MYRF: variants seen among roughly 807,000 people sequenced by gnomAD.
MYRF encodes myelin gene regulatory factor.
MYRF carries 16 observed loss-of-function variants against 126.3 expected under a neutral mutation model. The ratio of observed to expected loss-of-function variants is 0.13; its 90% CI spans 0.09 to 0.19. MYRF has a LOEUF of 0.19. MYRF is among the 10% of genes least tolerant of loss of function. The pLI is 1.00. For missense variants in MYRF, 1,104 were observed against 1,547.0 expected, an observed-to-expected ratio of 0.71 and a Z score of 4.80; for synonymous variants, 608 against 635.3, an observed-to-expected ratio of 0.96 and a Z score of 0.65.
chr11:61,754,889 G>A (rs1303222688), intron 1 of MYRF, among the ~76,000 whole-genome samples: 1 of 152,254 alleles, frequency 6.6e-6, no homozygotes, highest in Admixed American at 6.5e-5. Context: ...GAAGGCCCAT[G>A]TGGGGGACCC....
Position 61,757,486 on chromosome 11 carries a change from T to A in MYRF, c.46+4696T>A, listed in dbSNP as rs753965339. ...GGTCCATGGCAGGTGTTCTGCGCCC[T>A]ACCTTGAAGATTACTGGTCCCCAGG... On this transcript the variant is annotated intron_variant, in intron 1 of 26. Coordinates refer to ENST00000278836, the MANE Select transcript of MYRF (RefSeq NM_001127392.3). The surrounding 1 kb of genome is among the most constrained non-coding windows in gnomAD (Gnocchi z 4.7). The A allele has an allele frequency of 2.2e-6, 1 of 456,478 alleles. No homozygotes were observed. The highest frequency in any genetic ancestry group is 1.5e-5 in the South Asian group (1 of 64,554). 28.3% of individuals were successfully genotyped at this position (456,478 alleles called of 1,614,324 possible). A position where few individuals can be genotyped will look rare whatever the true frequency, so the allele number is the denominator to read the frequency against.
At chr11:61,763,219 G>A (rs1323548392) in intron 1 of MYRF, among the ~76,000 whole-genome samples, 1 of 152,232 alleles carries the variant, frequency 6.6e-6, no homozygotes, top group Non-Finnish European at 1.5e-5. Flanking sequence ...TCAGACCCCT[G>A]CACCTGGTTG....
chr11:61,765,908 T>C, intron 2 of MYRF, 50 bp from the exon 3 acceptor site: 1 of 1,465,568 alleles, frequency 6.8e-7, no homozygotes, highest in Admixed American at 2.5e-5. Context: ...GCTACTTCCC[T>C]GCTGGGGCTG....
intron 14 of MYRF, 96 bp from the exon 15 acceptor site, chr11:61,779,167 C>T (rs1035419753): frequency 8.1e-6 from 11 of 1,353,144 alleles, no homozygotes; most frequent in Admixed American, 2.4e-5. Context: ...ACAGTGGCCG[C>T]CCCTCCTGCC....
chr11:61,774,132 C>G lies in MYRF; in HGVS notation c.1281C>G (p.Asp427Glu). ...CGCCCGAGGGCCTCAAGCCCCTCGA[C>G]TGCTTCTATCTGAAGCTGCACGGAG... ...VKTPEGLKPL[D>E]CFYLKLHGVK... The change falls in exon 8 of 27, where the codon GAC becomes GAG. Residue 427 changes from aspartate (D) to glutamate (E), a missense_variant. By Grantham distance (45) the Asp-to-Glu change is conservative. Around this residue, in one of 10 missense-constraint regions of MYRF, gnomAD observed 36 missense variants for 47.5 expected, o/e 0.76. Transcript: ENST00000278836. 6.2e-7 allele frequency: 1 copy of G among 1,612,484 alleles called. No homozygotes were observed. The highest frequency in any genetic ancestry group is 8.5e-7 in the Non-Finnish European group (1 of 1,179,050).
rs2066625993 is a variant in MYRF, at chr11:61,784,080, A to G, written c.3194+155A>G. On this transcript the variant is annotated intron_variant, in intron 24 of 26. Transcript: ENST00000278836. ...TGACTTCATTGCCTACTTCGTGGTT[A>G]ACTGGCTAAATGACCTGGCCTCATG... The G allele has an allele frequency of 2.8e-6, 3 of 1,053,202 alleles. No homozygotes were observed. The African/African-American group carries it at 4.7e-5, about 16-fold the overall frequency. The allele number at this position is 1,053,202 out of a possible 1,614,324, so 65.2% of individuals were successfully genotyped here.
In MYRF at chr11:61,777,770, A is replaced by T. The variant is rs1449596937; in HGVS notation, c.1828A>T (p.Met610Leu). Reference protein sequence around the residue: ...TTEQLKRISRMRLVHYRYKPE... With the variant: ...TTEQLKRISRLRLVHYRYKPE... Reference sequence around the variant, plus strand: ...CGAGCAATTGAAGAGGATCTCGCGCATGCGGCTGGTGCACTACAGATACAA... The same window carrying T: ...CGAGCAATTGAAGAGGATCTCGCGCTTGCGGCTGGTGCACTACAGATACAA... Residue 610 changes from methionine to leucine, a missense_variant, in exon 13 of 27, where the codon ATG becomes TTG. Met to Leu is a conservative substitution (Grantham distance 15). Transcript: ENST00000278836. This position sits in a 1 kb window ranked among gnomAD's most constrained non-coding sequence, Gnocchi z 8.8. 6.4e-7 allele frequency: 1 copy of T among 1,551,860 alleles called. No individual in the cohort carries two copies. The highest frequency in any genetic ancestry group is 1.4e-5 in the African/African-American group (1 of 73,026).
intron 1 of MYRF, chr11:61,755,292 C>A: frequency 7.2e-7 from 1 of 1,395,220 alleles, no homozygotes; most frequent in Non-Finnish European, 9.8e-7. Context: ...AGGTGGGAGG[C>A]CGGGACAGAG....
chr11:61,781,901 T>C (rs1451861759), intron 22 of MYRF, 77 bp downstream of exon 22: 3 of 1,439,930 alleles, frequency 2.1e-6, no homozygotes, highest in Non-Finnish European at 2.7e-6. Context: ...AGCCCAGTCA[T>C]GTGACTGTCT....
chr11:61,785,429 T>C (rs558359117), intron 25 of MYRF: 1 of 197,258 alleles, frequency 5.1e-6, no homozygotes, highest in South Asian at 1.5e-4. Context: ...TGGCTCAGTT[T>C]CCTCATCCAG....
At position 61,766,193 on chromosome 11, in the gene MYRF, G is replaced by C. The variant is rs776884716; in HGVS notation, c.370G>C (p.Ala124Pro). ...FPGGTGPPIK[A>P]EPKAPYAPGT... ...GGGGGGCACCGGGCCCCCCATCAAG[G>C]CTGAGCCCAAGGCTCCCTATGCCCC... Residue 124 changes from alanine (A) to proline (P), a missense_variant, in exon 3 of 27, where the codon GCT (alanine) becomes CCT (proline). Ala to Pro is a conservative substitution (Grantham distance 27, BLOSUM62 -1). Around this residue, in one of 10 missense-constraint regions of MYRF, gnomAD observed 368 missense variants for 403.9 expected, o/e 0.91. Coordinates refer to ENST00000278836, the MANE Select transcript of MYRF (RefSeq NM_001127392.3). 5.0e-6 allele frequency: 8 copies of C among 1,610,300 alleles called. No individual in the cohort carries two copies. The Admixed American group carries it at 6.7e-5, about 14-fold the overall frequency.
chr11:61,755,743 G>T, intron 1 of MYRF: 1 of 625,920 alleles, frequency 1.6e-6, no homozygotes, highest in East Asian at 3.3e-5. Flanking sequence ...AGCCTGGAAG[G>T]GGTGCCTGCT....
At chr11:61,772,009 A>T (rs1591106887) in intron 7 of MYRF, 57 bp downstream of exon 7, 2 of 1,600,772 alleles carry the variant, frequency 1.2e-6, no homozygotes, top group Non-Finnish European at 1.7e-6. Context: ...GGGACGCCCC[A>T]GCCCAGGACC....
intron 7 of MYRF, 71 bp from the exon 8 acceptor site, chr11:61,773,896 C>A: frequency 2.2e-6 from 3 of 1,361,948 alleles, no homozygotes; most frequent in South Asian, 2.6e-5. Context: ...TGGAACCCAG[C>A]AGGTAGGAGG....
chr11:61,763,559 C>A (rs147293337), intron 1 of MYRF, among the ~76,000 whole-genome samples: 3 of 152,192 alleles, frequency 2.0e-5, no homozygotes, highest in South Asian at 2.1e-4. Context: ...GGATGCCTTG[C>A]GCATAAGAAA....
chr11:61,760,748 C>T (rs2065874889), intron 1 of MYRF, among the ~76,000 whole-genome samples: 1 of 152,172 alleles, frequency 6.6e-6, no homozygotes, highest in Non-Finnish European at 1.5e-5. Context: ...GGCAGGGATT[C>T]GTGCTCCATC....
In MYRF at chr11:61,761,036, C is replaced by G. The variant is rs529606474; in HGVS notation, c.47-4589C>G. Among the ~76,000 whole-genome samples the G allele has an allele frequency of 6.6e-5, 10 of 152,304 alleles. No homozygotes were observed. In the East Asian group the frequency reaches 1.5e-3, roughly 24 times the overall value. The stretch of plus-strand genomic sequence containing the variant: ...CCTGGTGTCCTCTGCACCCCAGGTT[C>G]AGATCCACCAAGCCTGGCCAGCATC... On this transcript the variant is annotated intron_variant, in intron 1 of 26. Coordinates refer to ENST00000278836, the MANE Select transcript of MYRF (RefSeq NM_001127392.3).
intron 4 of MYRF, 109 bp downstream of exon 4, chr11:61,769,430 G>A: frequency 1.2e-6 from 1 of 822,750 alleles, no homozygotes; most frequent in Non-Finnish European, 2.0e-6. Flanking sequence ...TGCCCAACGG[G>A]CTGAGATTAT....
chr11:61,785,925 G>A (rs367702365), intron 26 of MYRF, 51 bp downstream of exon 26: 16 of 1,587,002 alleles, frequency 1.0e-5, no homozygotes, highest in East Asian at 4.5e-5. Flanking sequence ...CCCTGTCTGC[G>A]ACGTGGGGCT....
Sources: allele counts gnomAD v4.1 joint callset (sites outside exome capture counted in the v4.1 genomes callset), GRCh38; gene constraint gnomAD v4.1.1; regional missense constraint gnomAD v4.1.1; non-coding constraint Gnocchi (gnomAD v3.1); transcripts MANE v1.5; gene names NCBI Gene and HGNC (gene_info 2026-07-23, HGNC 2026-07-21).